GUCY1A1: variants seen among roughly 807,000 people sequenced by gnomAD.
The protein encoded by GUCY1A1 is guanylate cyclase soluble subunit alpha-1.
GUCY1A1 carries 48 observed loss-of-function variants against 64.5 expected under a neutral mutation model. That is an observed-to-expected ratio of 0.74 (90% CI 0.59 to 0.95). The LOEUF (loss-of-function observed/expected upper bound fraction) is 0.95. Ranked by LOEUF, GUCY1A1 falls within the 40% of genes least tolerant of loss-of-function variation. The pLI, the probability that GUCY1A1 is intolerant of heterozygous loss-of-function variation, is 0.00. For synonymous variants in GUCY1A1, 308 were observed against 303.4 expected (o/e 1.02, Z -0.16); for missense variants, 804 against 825.3 (o/e 0.97, Z 0.32).
rs977945568 is a variant in GUCY1A1, at chr4:155,733,759, A to T, written c.*3528A>T. 2.0e-5 allele frequency among the ~76,000 whole-genome samples: 3 copies of T among 151,610 alleles called. No homozygotes were observed. Among genetic ancestry groups the T allele is most frequent in the Non-Finnish European group, 4.4e-5 (3 of 67,830 alleles). On this transcript the variant is annotated 3_prime_UTR_variant, in exon 10 of 10. Transcript: ENST00000506455. Reference sequence around the variant, plus strand: ...TTTAAAGCTACTAGATAAGAGAAGCATCAAGTCTTAAAGGAAGAGAATGGT... The same window carrying T: ...TTTAAAGCTACTAGATAAGAGAAGCTTCAAGTCTTAAAGGAAGAGAATGGT...
intron 3 of GUCY1A1, among the ~76,000 whole-genome samples, chr4:155,700,734 G>A (rs1247994299): frequency 6.6e-6 from 1 of 152,108 alleles, no homozygotes; most frequent in East Asian, 1.9e-4. Context: ...TCCAGTGATT[G>A]TACAAATAAG....
At chr4:155,688,988 T>G (rs1729387168) in intron 2 of GUCY1A1, among the ~76,000 whole-genome samples, 1 of 150,908 alleles carries the variant, frequency 6.6e-6, no homozygotes, top group Non-Finnish European at 1.5e-5. Context: ...ACAGGAAAAT[T>G]GTCCAACAGT....
chr4:155,683,772 C>G (rs557782444), intron 2 of GUCY1A1, among the ~76,000 whole-genome samples: 1 of 152,226 alleles, frequency 6.6e-6, no homozygotes, highest in East Asian at 1.9e-4. Flanking sequence ...TCTGATTGGT[C>G]TGAGATGAAG....
At chr4:155,687,293 C>T (rs1026818034) in intron 2 of GUCY1A1, among the ~76,000 whole-genome samples, 1 of 152,064 alleles carries the variant, frequency 6.6e-6, no homozygotes, top group Admixed American at 6.5e-5. Flanking sequence ...AAAAAGTTGC[C>T]TAGAGCTCTA....
intron 7 of GUCY1A1, among the ~76,000 whole-genome samples, chr4:155,713,967 A>G (rs1158682154): frequency 3.9e-5 from 6 of 152,226 alleles, no homozygotes; most frequent in Admixed American, 3.9e-4. Context: ...GATAATTCAA[A>G]GTATGGCTTA....
chr4:155,719,309 G>A (rs1733665280), intron 8 of GUCY1A1, among the ~76,000 whole-genome samples: 1 of 152,110 alleles, frequency 6.6e-6, no homozygotes. Context: ...AAAGATACCG[G>A]TGAAACATCA....
In GUCY1A1 at chr4:155,730,345, G is replaced by A. The variant is rs1735393131; in HGVS notation, c.*114G>A. The A allele has an allele frequency of 1.7e-6, 1 of 599,344 alleles. No homozygotes were observed. The highest frequency in any genetic ancestry group is 2.7e-5 in the East Asian group (1 of 36,456). 37.1% of individuals were successfully genotyped at this position (599,344 alleles called of 1,614,324 possible). Reference sequence around the variant, plus strand: ...CTAACAAGCAGTATTAAAATTTCAGGAGCCAAGTCACAATCTTTCTCCTGT... The same window carrying A: ...CTAACAAGCAGTATTAAAATTTCAGAAGCCAAGTCACAATCTTTCTCCTGT... On this transcript the variant is annotated 3_prime_UTR_variant, in exon 10 of 10. Coordinates refer to ENST00000506455, the MANE Select transcript of GUCY1A1 (RefSeq NM_001130682.3).
chr4:155,704,032 C>CA (rs754758996), intron 4 of GUCY1A1, 39 bp downstream of exon 4: 1 of 1,197,288 alleles, frequency 8.4e-7, no homozygotes, highest in African/African-American at 1.5e-5. Context: ...CCTCTTATTA[C>CA]AATGACTAAT....
intron 2 of GUCY1A1, among the ~76,000 whole-genome samples, chr4:155,689,007 G>A (rs115949462): frequency 8.6e-5 from 13 of 150,896 alleles, no homozygotes; most frequent in South Asian, 2.1e-4. Context: ...GTACTTCTAC[G>A]ACAGAGCATA....
At chr4:155,722,910 T>G (rs2126953352) in intron 9 of GUCY1A1, among the ~76,000 whole-genome samples, 1 of 152,086 alleles carries the variant, frequency 6.6e-6, no homozygotes, top group Non-Finnish European at 1.5e-5. Flanking sequence ...GAGCTTTGAG[T>G]TTGGTGTATG....
At chr4:155,729,167 C>G (rs1735183906) in intron 9 of GUCY1A1, among the ~76,000 whole-genome samples, 1 of 151,670 alleles carries the variant, frequency 6.6e-6, no homozygotes, top group African/African-American at 2.4e-5. Context: ...AGACCATGGT[C>G]TGTTTGGGTA....
At chr4:155,726,032 G>A (rs79750483) in intron 9 of GUCY1A1, among the ~76,000 whole-genome samples, 3,524 of 151,824 alleles carry the variant, frequency 0.023, 128 homozygotes, top group African/African-American at 0.079. Flanking sequence ...TTTCAGTTAC[G>A]TTTATATACA....
chr4:155,712,759 C>CA (rs1732737988), intron 6 of GUCY1A1, among the ~76,000 whole-genome samples: 2 of 152,074 alleles, frequency 1.3e-5, no homozygotes, highest in Non-Finnish European at 2.9e-5. Context: ...CCATATTATA[C>CA]AAAAAATAGA....
chr4:155,705,859 T>G (rs1242523829), intron 4 of GUCY1A1, among the ~76,000 whole-genome samples: 1 of 152,216 alleles, frequency 6.6e-6, no homozygotes, highest in Non-Finnish European at 1.5e-5. Context: ...TGAATCTATG[T>G]GTCTGACAGA....
intron 8 of GUCY1A1, among the ~76,000 whole-genome samples, chr4:155,721,640 TG>T (rs1237217223): frequency 5.3e-5 from 8 of 152,140 alleles, no homozygotes; most frequent in African/African-American, 1.9e-4. Context: ...TGTCAGTGTT[TG>T]GGAAAATGAT....
At chr4:155,680,460 ATGTG>A (rs59517530) in intron 2 of GUCY1A1, among the ~76,000 whole-genome samples, 50 of 149,614 alleles carry the variant, frequency 3.3e-4, no homozygotes, top group African/African-American at 6.6e-4. Context: ...TTTTAAGTAT[ATGTG>A]TGTGTGTGTG....
chr4:155,682,600 A>AAAC (rs1735944272), intron 2 of GUCY1A1, among the ~76,000 whole-genome samples: 1 of 151,646 alleles, frequency 6.6e-6, no homozygotes, highest in African/African-American at 2.4e-5. Context: ...TGAAACCGGG[A>AAAC]GGTGGAGGTT....
At chr4:155,726,602 A>G (rs1404929265) in intron 9 of GUCY1A1, among the ~76,000 whole-genome samples, 1 of 151,952 alleles carries the variant, frequency 6.6e-6, no homozygotes, top group Non-Finnish European at 1.5e-5. Context: ...TCTGAAATAC[A>G]GGTAAATTTA....
intron 2 of GUCY1A1, among the ~76,000 whole-genome samples, chr4:155,670,064 A>C (rs1733922091): frequency 6.6e-6 from 1 of 152,208 alleles, no homozygotes; most frequent in Admixed American, 6.5e-5. Context: ...TTAATGGGAA[A>C]AATTTTTGGA....
Sources: allele counts gnomAD v4.1 joint callset (sites outside exome capture counted in the v4.1 genomes callset), GRCh38; gene constraint gnomAD v4.1.1; transcripts MANE v1.5; gene names NCBI Gene and HGNC (gene_info 2026-07-23, HGNC 2026-07-21).